Variants in KRAS observed in about 807,000 individuals in gnomAD.
KRAS encodes GTPase KRas.
KRAS carries 1 observed loss-of-function variant against 21.0 expected under a neutral mutation model. The observed-to-expected ratio is 0.05, with a 90% CI of 0.02 to 0.23. The LOEUF (loss-of-function observed/expected upper bound fraction) is 0.23, where lower values mean the gene tolerates loss of function less well. KRAS is among the 10% of genes least tolerant of loss of function. The pLI is 1.00. For missense variants in KRAS, 107 were observed against 221.8 expected, an observed-to-expected ratio of 0.48 and a Z score of 3.29; for synonymous variants, 67 against 72.5, an observed-to-expected ratio of 0.92 and a Z score of 0.39.
chr12:25,234,048 CTA>C (rs780132424), intron 2 of KRAS: 30 of 184,792 alleles, frequency 1.6e-4, no homozygotes, highest in Non-Finnish European at 2.5e-4. Flanking sequence ...GTTTTAAAAT[CTA>C]TGTTTCAATG....
intron 1 of KRAS, among the ~76,000 whole-genome samples, chr12:25,246,187 A>C (rs11047919): frequency 0.46 from 68,518 of 148,304 alleles, 17,882 homozygotes; most frequent in East Asian, 0.8. Flanking sequence ...GGGAAAATAA[A>C]GCTAAAAACC....
intron 4 of KRAS, among the ~76,000 whole-genome samples, chr12:25,221,415 T>G (rs1001212983): frequency 6.6e-6 from 1 of 152,084 alleles, no homozygotes; most frequent in African/African-American, 2.4e-5. Flanking sequence ...GTATTTTTAG[T>G]AGAGACGGGG....
At chr12:25,247,661 T>C (rs2135809909) in intron 1 of KRAS, among the ~76,000 whole-genome samples, 1 of 152,356 alleles carries the variant, frequency 6.6e-6, no homozygotes, top group South Asian at 2.1e-4. Flanking sequence ...AAGACTTTTC[T>C]GGTGTGCAAG....
intron 3 of KRAS, among the ~76,000 whole-genome samples, chr12:25,226,656 G>A (rs1463896117): frequency 6.6e-6 from 1 of 152,106 alleles, no homozygotes; most frequent in African/African-American, 2.4e-5. Flanking sequence ...TGCTTAATAT[G>A]TAGTTTTTGG....
chr12:25,248,605 C>CA (rs377334949), intron 1 of KRAS, among the ~76,000 whole-genome samples: 5,099 of 131,986 alleles, frequency 0.039, 174 homozygotes, highest in Admixed American at 0.11. Flanking sequence ...TGGTTGTTTC[C>CA]AGAAAAAAAA....
At chr12:25,212,462 C>T (rs1168474839) in intron 4 of KRAS, among the ~76,000 whole-genome samples, 2 of 152,116 alleles carry the variant, frequency 1.3e-5, no homozygotes, top group Non-Finnish European at 2.9e-5. Flanking sequence ...CAGTGGCTCA[C>T]ACCTACAGTC....
At chr12:25,227,102 A>C in intron 3 of KRAS, 132 bp downstream of exon 3, 1 of 598,094 alleles carries the variant, frequency 1.7e-6, no homozygotes, top group South Asian at 2.4e-5. Flanking sequence ...TAAAACAGGG[A>C]TATTACCTAC....
rs1951126773 is a variant in KRAS, at chr12:25,205,521, A to AAAT, written c.*4271_*4273dup. Reference sequence around the variant, plus strand: ...GCATGTTTCAGTTTACACTATACAAAAATAGTTAAAATACATTCCAGGTAA... The same window carrying AAAT: ...GCATGTTTCAGTTTACACTATACAAAAATAATAGTTAAAATACATTCCAGGTAA... On this transcript the variant is annotated 3_prime_UTR_variant, in exon 5 of 5. Coordinates refer to ENST00000311936, the MANE Select transcript of KRAS (RefSeq NM_004985.5). 1 of 215,426 alleles carries AAAT rather than the reference A, an allele frequency of 4.6e-6. No homozygotes were observed. 13.3% of individuals were successfully genotyped at this position (215,426 alleles called of 1,614,324 possible). A position where few individuals can be genotyped will look rare whatever the true frequency, so the allele number is the denominator to read the frequency against.
intron 1 of KRAS, 113 bp from the exon 2 acceptor site, chr12:25,245,508 A>G: frequency 9.1e-7 from 1 of 1,100,638 alleles, no homozygotes; most frequent in Non-Finnish European, 1.3e-6. Context: ...CTTTATATGA[A>G]AAATTATTTC....
chr12:25,241,800 C>T (rs1951613527), intron 2 of KRAS, among the ~76,000 whole-genome samples: 1 of 152,132 alleles, frequency 6.6e-6, no homozygotes, highest in Non-Finnish European at 1.5e-5. Context: ...GTTGTGGCAA[C>T]CAAAAACATC....
intron 4 of KRAS, among the ~76,000 whole-genome samples, chr12:25,216,053 T>A (rs1254465240): frequency 6.6e-6 from 1 of 152,288 alleles, no homozygotes; most frequent in East Asian, 1.9e-4. Flanking sequence ...CATAAAAGAA[T>A]CTCAAAGGTG....
intron 4 of KRAS, among the ~76,000 whole-genome samples, chr12:25,211,507 G>A (rs1027679751): frequency 2.0e-5 from 3 of 152,042 alleles, no homozygotes; most frequent in Non-Finnish European, 4.4e-5. Flanking sequence ...CCGGAGAGGC[G>A]AAGTGCATTG....
chr12:25,234,718 A>C, intron 2 of KRAS: 1 of 189,646 alleles, frequency 5.3e-6, no homozygotes, highest in Non-Finnish European at 1.1e-5. Context: ...TCAAGATAAG[A>C]TAACCTCATT....
intron 2 of KRAS, among the ~76,000 whole-genome samples, chr12:25,241,645 T>C (rs1440099498): frequency 2.6e-5 from 4 of 152,168 alleles, no homozygotes; most frequent in Non-Finnish European, 5.9e-5. Context: ...CCATTGAGGT[T>C]TGGGGTCAGA....
chr12:25,250,904 C>T lies in KRAS; in HGVS notation c.-165G>A. 1 of 250,660 alleles carries T rather than the reference C, an allele frequency of 4.0e-6. No individual in the cohort carries two copies. Among genetic ancestry groups the T allele is most frequent in the Non-Finnish European group, 7.5e-6 (1 of 133,076 alleles). The allele number at this position is 250,660 out of a possible 1,614,324, so 15.5% of individuals were successfully genotyped here. ...GCCGCCACTGCCGCCGCCGCTGCTG[C>T]CTCCGCCGCCGCGGCCGCCGCCTAG... On this transcript the variant is annotated 5_prime_UTR_variant, in exon 1 of 5. Transcript: ENST00000311936.
At position 25,207,588 on chromosome 12, in the gene KRAS, G is replaced by A. The variant is rs565872057; in HGVS notation, c.*2207C>T. On this transcript the variant is annotated 3_prime_UTR_variant, in exon 5 of 5. Coordinates refer to ENST00000311936, the MANE Select transcript of KRAS (RefSeq NM_004985.5). ...AAGATTTCTGGTTACTAAAACAATG[G>A]AATGTATTACTGTTACCAGGAGTAG... 1 of 229,038 alleles carries A rather than the reference G, an allele frequency of 4.4e-6. No homozygotes were observed. The highest frequency in any genetic ancestry group is 1.8e-4 in the South Asian group (1 of 5,490). 14.2% of individuals were successfully genotyped at this position (229,038 alleles called of 1,614,324 possible). A position where few individuals can be genotyped will look rare whatever the true frequency, so the allele number is the denominator to read the frequency against.
At chr12:25,222,318 TAC>T (rs918091905) in intron 4 of KRAS, among the ~76,000 whole-genome samples, 42 of 152,302 alleles carry the variant, frequency 2.8e-4, no homozygotes, top group African/African-American at 9.6e-4. Context: ...TTATAATCTC[TAC>T]AGTTACTCGG....
intron 4 of KRAS, among the ~76,000 whole-genome samples, chr12:25,212,197 T>C (rs1172464824): frequency 6.6e-6 from 1 of 152,218 alleles, no homozygotes; most frequent in East Asian, 1.9e-4. Context: ...ATAAATTCCC[T>C]CTGATCACAT....
rs61764367 is a variant in KRAS, at chr12:25,207,625, G to C, written c.*2170C>G. 8.1e-3 allele frequency: 1,881 copies of C among 230,998 alleles called. 10 individuals are homozygous for C. The highest frequency in any genetic ancestry group is 0.013 in the Non-Finnish European group (1,508 of 116,738). The allele number at this position is 230,998 out of a possible 1,614,324, so 14.3% of individuals were successfully genotyped here. A position where few individuals can be genotyped will look rare whatever the true frequency, so the allele number is the denominator to read the frequency against. On this transcript the variant is annotated 3_prime_UTR_variant, in exon 5 of 5. Transcript: ENST00000311936. ...GTTACCAGGAGTAGTCCTAGTTATAGATTACCTAAGGAATTCTTTCAGCAC... is the reference window on the plus strand; with the variant it reads ...GTTACCAGGAGTAGTCCTAGTTATACATTACCTAAGGAATTCTTTCAGCAC...
Sources: gnomAD v4.1 joint callset for allele counts (sites outside exome capture counted in the v4.1 genomes callset) on GRCh38, gnomAD v4.1.1 for gene constraint, MANE v1.5 for transcripts, NCBI Gene and HGNC (gene_info 2026-07-23, HGNC 2026-07-21) for gene names.